The following MYO1D variants were observed in gnomAD, a reference collection of about 807,000 sequenced individuals.
MYO1D encodes myosin ID.
A neutral mutation model predicts 122.0 loss-of-function variants in MYO1D; 83 were observed. The ratio of observed to expected loss-of-function variants is 0.68; its 90% CI spans 0.57 to 0.82. MYO1D has a LOEUF of 0.82. Among genes scored for constraint, MYO1D ranks in the 40% least tolerant of loss-of-function variants. MYO1D has a pLI of 0.00. For synonymous variants in MYO1D, 464 were observed against 446.9 expected (o/e 1.04, Z -0.48); for missense variants, 1,157 against 1,269.5 (o/e 0.91, Z 1.35).
intron 21 of MYO1D, among the ~76,000 whole-genome samples, chr17:32,509,777 C>T (rs1005703847): frequency 4.0e-5 from 6 of 151,888 alleles, no homozygotes; most frequent in Admixed American, 1.3e-4. Context: ...TTAGTAGAGA[C>T]GGGGTTTCAC....
At chr17:32,862,788 T>A (rs1002727416) in intron 1 of MYO1D, 3 of 152,256 alleles carry the variant, frequency 2.0e-5, no homozygotes, top group African/African-American at 4.8e-5. Context: ...TTTGTTAATA[T>A]GTCAGTCAGC....
chr17:32,765,685 C>G (rs1159504577), intron 7 of MYO1D, among the ~76,000 whole-genome samples: 1 of 152,122 alleles, frequency 6.6e-6, no homozygotes, highest in African/African-American at 2.4e-5. Context: ...GTCTCGACCT[C>G]CTGACCTCAT....
intron 1 of MYO1D, among the ~76,000 whole-genome samples, chr17:32,788,228 A>G (rs1482822583): frequency 3.3e-5 from 5 of 152,074 alleles, no homozygotes; most frequent in Non-Finnish European, 5.9e-5. Flanking sequence ...CTACGCCAAT[A>G]TCTGTTATTT....
At chr17:32,561,688 CAAAAA>C (rs60531756) in intron 21 of MYO1D, among the ~76,000 whole-genome samples, 1 of 71,780 alleles carries the variant, frequency 1.4e-5, no homozygotes. Flanking sequence ...GGCTCTGTCT[CAAAAA>C]AAAAAAAAAA....
chr17:32,545,371 G>A (rs1037983807), intron 21 of MYO1D, among the ~76,000 whole-genome samples: 5 of 152,230 alleles, frequency 3.3e-5, no homozygotes, highest in African/African-American at 9.6e-5. Context: ...GGAAACATCA[G>A]TAAACAGTGG....
At chr17:32,671,860 A>C (rs139331980) in intron 16 of MYO1D, among the ~76,000 whole-genome samples, 10 of 152,330 alleles carry the variant, frequency 6.6e-5, no homozygotes, top group African/African-American at 2.4e-4. Flanking sequence ...GAAAAAGTTC[A>C]ATAATATGGA....
rs969581067 is a variant in MYO1D, at chr17:32,494,847, G to C, written c.2933C>G (p.Thr978Ser). The change falls in exon 22 of 22, where the codon ACC (threonine) becomes AGC (serine). Residue 978 changes from threonine (T) to serine (S), a missense_variant. Physicochemically the swap from Thr to Ser is moderately conservative, Grantham distance 58. Coordinates refer to ENST00000318217, the MANE Select transcript of MYO1D (RefSeq NM_015194.3). ...GTTGAGCCGCGTCTCCACGGAGACG[G>C]TGCACTTCTTCCCGTGCAGGCTGCA... ...VQCSLHGKKC[T>S]VSVETRLNQP... 15 of 1,613,998 alleles carry C rather than the reference G, an allele frequency of 9.3e-6. No homozygotes were observed. Among genetic ancestry groups the C allele is most frequent in the Non-Finnish European group, 1.3e-5 (15 of 1,179,922 alleles).
intron 19 of MYO1D, among the ~76,000 whole-genome samples, chr17:32,639,859 T>C (rs560204950): frequency 6.6e-6 from 1 of 152,282 alleles, no homozygotes; most frequent in South Asian, 2.1e-4. Context: ...GTGATCTATA[T>C]CCTCCATCCC....
At chr17:32,615,880 G>A (rs2150922065) in intron 20 of MYO1D, among the ~76,000 whole-genome samples, 1 of 152,274 alleles carries the variant, frequency 6.6e-6, no homozygotes, top group East Asian at 1.9e-4. Flanking sequence ...AGATTTGTGG[G>A]CGTGTTTTTT....
chr17:32,748,694 C>G (rs557235011), intron 12 of MYO1D, among the ~76,000 whole-genome samples: 1 of 152,156 alleles, frequency 6.6e-6, no homozygotes, highest in Non-Finnish European at 1.5e-5. Context: ...TTACTGAACA[C>G]GAACTATGCC....
intron 1 of MYO1D, among the ~76,000 whole-genome samples, chr17:32,868,921 G>T (rs1477220470): frequency 1.3e-5 from 2 of 152,018 alleles, no homozygotes; most frequent in Non-Finnish European, 2.9e-5. Flanking sequence ...CTATTCAAGA[G>T]ATCTTGGCTG....
intron 16 of MYO1D, among the ~76,000 whole-genome samples, chr17:32,697,698 G>A (rs2089190912): frequency 6.6e-6 from 1 of 151,476 alleles, no homozygotes. Flanking sequence ...GTCAAGAGCT[G>A]ATTCATACAT....
At chr17:32,571,394 CT>C (rs2087226367) in intron 21 of MYO1D, among the ~76,000 whole-genome samples, 1 of 152,214 alleles carries the variant, frequency 6.6e-6, no homozygotes, top group Non-Finnish European at 1.5e-5. Context: ...TGCCTTTCTT[CT>C]GCTCCCCTGG....
At chr17:32,797,179 C>T (rs569364352) in intron 1 of MYO1D, among the ~76,000 whole-genome samples, 1 of 152,292 alleles carries the variant, frequency 6.6e-6, no homozygotes, top group East Asian at 1.9e-4. Flanking sequence ...CCATGTTGGT[C>T]AAGACAGTCT....
intron 21 of MYO1D, among the ~76,000 whole-genome samples, chr17:32,522,004 C>T (rs1851331315): frequency 6.8e-6 from 1 of 147,030 alleles, no homozygotes; most frequent in Admixed American, 6.9e-5. Context: ...ATTGCTTGAA[C>T]CCAGCGGGCA....
intron 1 of MYO1D, among the ~76,000 whole-genome samples, chr17:32,847,499 T>G (rs2090948831): frequency 6.6e-6 from 1 of 152,160 alleles, no homozygotes; most frequent in African/African-American, 2.4e-5. Context: ...CACAAAAATG[T>G]CCCAATGGGA....
At chr17:32,797,033 CG>C (rs1567646870) in intron 1 of MYO1D, among the ~76,000 whole-genome samples, 1 of 151,636 alleles carries the variant, frequency 6.6e-6, no homozygotes, top group African/African-American at 2.4e-5. Context: ...TACAGTGGTG[CG>C]ATCTCAGCTC....
At chr17:32,676,430 CTT>C in intron 16 of MYO1D, among the ~76,000 whole-genome samples, 1 of 146,596 alleles carries the variant, frequency 6.8e-6, no homozygotes, top group Admixed American at 6.9e-5. Flanking sequence ...TGAAAATAAA[CTT>C]TTTATTACAT....
intron 14 of MYO1D, among the ~76,000 whole-genome samples, chr17:32,728,030 T>C (rs575228774): frequency 7.9e-5 from 12 of 152,256 alleles, no homozygotes; most frequent in Non-Finnish European, 1.5e-4. Context: ...ACAAATTCTC[T>C]AAATATTTAC....
Sources: allele counts gnomAD v4.1 joint callset (sites outside exome capture counted in the v4.1 genomes callset), GRCh38; gene constraint gnomAD v4.1.1; transcripts MANE v1.5; gene names NCBI Gene and HGNC (gene_info 2026-07-23, HGNC 2026-07-21).